ROBO1: variants seen among roughly 807,000 people sequenced by gnomAD.
The protein encoded by ROBO1 is roundabout homolog 1.
In ROBO1, 149 loss-of-function variants were observed where a neutral mutation model predicts 195.9. The ratio of observed to expected loss-of-function variants is 0.76; its 90% CI spans 0.67 to 0.87. The LOEUF (loss-of-function observed/expected upper bound fraction) is 0.87, where lower values mean the gene tolerates loss of function less well. Among genes scored for constraint, ROBO1 ranks in the 40% least tolerant of loss-of-function variants. The probability of loss-of-function intolerance (pLI) is 0.00; values close to 1 mark genes in which losing one functional copy is unlikely to be tolerated. For synonymous variants in ROBO1, 816 were observed against 733.2 expected (o/e 1.11, Z -1.82); for missense variants, 1,933 against 2,068.3 (o/e 0.93, Z 1.27).
At position 79,064,234 on chromosome 3, in the gene ROBO1, C is replaced by T. The variant is rs144720101; in HGVS notation, c.172+61222G>A. On this transcript the variant is annotated intron_variant, in intron 3 of 30. Transcript: ENST00000464233. ...ATACAGTTATTATATGCCAATTGTA[C>T]ATTTAAAAATATTAGGTCTGAAAAA... Among the ~76,000 whole-genome samples, 15 of 152,008 alleles carry T rather than the reference C, an allele frequency of 9.9e-5. No individual in the cohort carries two copies. In the East Asian group the frequency reaches 2.7e-3, roughly 28 times the overall value.
chr3:79,473,492 C>A (rs1019826996), intron 2 of ROBO1, among the ~76,000 whole-genome samples: 2 of 151,976 alleles, frequency 1.3e-5, no homozygotes, highest in East Asian at 3.8e-4. Flanking sequence ...TCGACAAGGC[C>A]TCACCATCTC....
At chr3:79,446,740 C>T (rs900916913) in intron 2 of ROBO1, among the ~76,000 whole-genome samples, 27 of 152,162 alleles carry the variant, frequency 1.8e-4, no homozygotes. Flanking sequence ...GTTCTACTCT[C>T]TTAGTCTTGT....
At chr3:79,224,726 A>T (rs1486052115) in intron 2 of ROBO1, among the ~76,000 whole-genome samples, 2 of 152,202 alleles carry the variant, frequency 1.3e-5, no homozygotes, top group African/African-American at 4.8e-5. Flanking sequence ...CTATTAATTT[A>T]CATGTGTATG....
intron 2 of ROBO1, among the ~76,000 whole-genome samples, chr3:79,302,446 T>C (rs2033006368): frequency 6.6e-6 from 1 of 152,176 alleles, no homozygotes; most frequent in Admixed American, 6.6e-5. Flanking sequence ...TTGAAATTAT[T>C]TTACTAAATT....
At chr3:79,313,688 C>T (rs921928363) in intron 2 of ROBO1, among the ~76,000 whole-genome samples, 21 of 152,100 alleles carry the variant, frequency 1.4e-4, no homozygotes, top group Admixed American at 9.2e-4. Context: ...TCTCCCTTAG[C>T]CCTATTTTGC....
At chr3:78,920,964 G>A (rs962111725) in intron 4 of ROBO1, among the ~76,000 whole-genome samples, 1 of 152,094 alleles carries the variant, frequency 6.6e-6, no homozygotes, top group Non-Finnish European at 1.5e-5. Flanking sequence ...TAACAGGCAT[G>A]AGCCACTGCG....
intron 3 of ROBO1, among the ~76,000 whole-genome samples, chr3:78,945,120 A>C (rs1044425071): frequency 5.3e-5 from 8 of 152,208 alleles, no homozygotes; most frequent in African/African-American, 1.7e-4. Context: ...AAAAGATAGC[A>C]GTAACCTCTG....
At chr3:78,758,159 A>G (rs1301236620) in intron 4 of ROBO1, among the ~76,000 whole-genome samples, 1 of 152,196 alleles carries the variant, frequency 6.6e-6, no homozygotes, top group African/African-American at 2.4e-5. Flanking sequence ...AATTAGCAGA[A>G]AGTGAATCAT....
chr3:78,670,508 T>G, intron 10 of ROBO1: 1 of 553,450 alleles, frequency 1.8e-6, no homozygotes. Flanking sequence ...TACTTTCAAA[T>G]GACCAGCCAC....
At chr3:78,678,778 C>T (rs531652488) in intron 10 of ROBO1, among the ~76,000 whole-genome samples, 4 of 152,214 alleles carry the variant, frequency 2.6e-5, no homozygotes, top group African/African-American at 9.7e-5. Context: ...CCTTCTGAAA[C>T]TATTCCAAAC....
intron 2 of ROBO1, among the ~76,000 whole-genome samples, chr3:79,346,274 C>G (rs1382307258): frequency 6.6e-6 from 1 of 151,996 alleles, no homozygotes; most frequent in African/African-American, 2.4e-5. Context: ...TTTTGATAAT[C>G]AAGATATTAT....
At chr3:79,480,041 C>A (rs1052929033) in intron 2 of ROBO1, among the ~76,000 whole-genome samples, 1 of 152,144 alleles carries the variant, frequency 6.6e-6, no homozygotes, top group Non-Finnish European at 1.5e-5. Flanking sequence ...AAAAATAAAT[C>A]TAAAAACATA....
rs556829379 is a variant in ROBO1, at chr3:78,676,764, C to T, written c.1343-6463G>A. 1.8e-3 allele frequency among the ~76,000 whole-genome samples: 270 copies of T among 152,272 alleles called. 1 individual carries two copies. The highest frequency in any genetic ancestry group is 6.3e-3 in the African/African-American group (263 of 41,550). Reference sequence around the variant, plus strand: ...GAAAAACACTCTGCAGGATATTATCCAGGAGAACTTCCCCAATCTGGCATG... The same window carrying T: ...GAAAAACACTCTGCAGGATATTATCTAGGAGAACTTCCCCAATCTGGCATG... On this transcript the variant is annotated intron_variant, in intron 10 of 30. Coordinates refer to ENST00000464233, the MANE Select transcript of ROBO1 (RefSeq NM_002941.4).
Position 78,639,872 on chromosome 3 carries a change from G to C in ROBO1, c.2909C>G (p.Pro970Arg). ...GTCTGCCAGCCATGGCTGCGCGGCA[G>C]GTTCACTGATGTTGAGAAGTCCAGG... is the stretch of plus-strand genomic sequence containing the variant. The part of the protein sequence containing the change: ...GRPGLLNISE[P>R]AAQPWLADTW... The change falls in exon 22 of 31, where the codon CCT becomes CGT. Residue 970 changes from proline to arginine, a missense_variant. This residue lies in a region of ROBO1 where 1,737 missense variants were observed against 1,882.5 expected (regional missense o/e 0.92). Coordinates refer to ENST00000464233, the MANE Select transcript of ROBO1 (RefSeq NM_002941.4). The C allele has an allele frequency of 1.2e-6, 2 of 1,606,404 alleles. No homozygotes were observed. Among genetic ancestry groups the C allele is most frequent in the Non-Finnish European group, 1.7e-6 (2 of 1,175,456 alleles).
intron 25 of ROBO1, among the ~76,000 whole-genome samples, chr3:78,628,950 C>T (rs1261230003): frequency 6.6e-6 from 1 of 152,160 alleles, no homozygotes; most frequent in Non-Finnish European, 1.5e-5. Flanking sequence ...TCCAAAATTA[C>T]ACTAATATGC....
chr3:79,570,678 T>C (rs1289975540), intron 2 of ROBO1, among the ~76,000 whole-genome samples: 6 of 152,306 alleles, frequency 3.9e-5, no homozygotes, highest in Non-Finnish European at 7.4e-5. Context: ...GATTACAGGA[T>C]AATAATTACA....
chr3:79,133,887 A>G (rs1307825028), intron 2 of ROBO1, among the ~76,000 whole-genome samples: 2 of 148,522 alleles, frequency 1.3e-5, no homozygotes, highest in African/African-American at 2.5e-5. Context: ...TCTGGTTGTT[A>G]GTTTTCCTTC....
At chr3:78,608,010 T>A (rs897644737) in intron 28 of ROBO1, among the ~76,000 whole-genome samples, 4 of 115,860 alleles carry the variant, frequency 3.5e-5, no homozygotes, top group African/African-American at 1.3e-4. Flanking sequence ...AAATATATGT[T>A]AATTTCATTT....
At chr3:79,106,465 T>C (rs1241812627) in intron 3 of ROBO1, among the ~76,000 whole-genome samples, 1 of 151,660 alleles carries the variant, frequency 6.6e-6, no homozygotes, top group Non-Finnish European at 1.5e-5. Context: ...ATTTTTGATA[T>C]TATGGAACAG....
Sources: allele counts gnomAD v4.1 joint callset (sites outside exome capture counted in the v4.1 genomes callset), GRCh38; gene constraint gnomAD v4.1.1; regional missense constraint gnomAD v4.1.1; transcripts MANE v1.5; gene names NCBI Gene and HGNC (gene_info 2026-07-23, HGNC 2026-07-21).